The following ENPP6 variants were observed in gnomAD, a reference collection of about 807,000 sequenced individuals.
The protein encoded by ENPP6 is ectonucleotide pyrophosphatase/phosphodiesterase 6, also known as glycerophosphocholine cholinephosphodiesterase ENPP6.
ENPP6 carries 32 observed loss-of-function variants against 42.0 expected under a neutral mutation model. The observed-to-expected ratio is 0.76, with a 90% CI of 0.58 to 1.02. The LOEUF is 1.02. ENPP6 is among the 50% of genes least tolerant of loss of function. The probability of loss-of-function intolerance (pLI) is 0.00; values close to 1 mark genes in which losing one functional copy is unlikely to be tolerated. For missense variants in ENPP6, 552 were observed against 566.8 expected, an observed-to-expected ratio of 0.97 and a Z score of 0.27; for synonymous variants, 213 against 216.0, an observed-to-expected ratio of 0.99 and a Z score of 0.12.
At chr4:184,124,868 G>T (rs751161989) in intron 2 of ENPP6, among the ~76,000 whole-genome samples, 1 of 152,166 alleles carries the variant, frequency 6.6e-6, no homozygotes, top group Admixed American at 6.5e-5. Flanking sequence ...AACTCATTCC[G>T]ATGTGAACAG....
rs560901888 is a variant in ENPP6 at position 184,115,981 on chromosome 4, C to T, written c.855+875G>A. On this transcript the variant is annotated intron_variant, in intron 5 of 7. Coordinates refer to ENST00000296741, the MANE Select transcript of ENPP6 (RefSeq NM_153343.4). ...CTGTAATCCCAGCATCTTGGGAGGC[C>T]GAGGCAGGTGGATCACGAGGTCAGG... is the stretch of plus-strand genomic sequence containing the variant. 1.4e-4 allele frequency among the ~76,000 whole-genome samples: 22 copies of T among 151,930 alleles called. No individual in the cohort carries two copies. In the East Asian group the frequency reaches 3.5e-3, roughly 24 times the overall value.
intron 6 of ENPP6, among the ~76,000 whole-genome samples, chr4:184,100,906 C>T (rs527525103): frequency 5.3e-5 from 8 of 152,262 alleles, no homozygotes; most frequent in African/African-American, 9.6e-5. Context: ...AGGTGGAGGG[C>T]GGCTCCTTCC....
chr4:184,167,765 G>A (rs2111089475), intron 1 of ENPP6, among the ~76,000 whole-genome samples: 1 of 152,298 alleles, frequency 6.6e-6, no homozygotes, highest in South Asian at 2.1e-4. Flanking sequence ...CAAGTCTCAG[G>A]AGTTAACTTC....
chr4:184,179,436 A>G (rs537757044), intron 1 of ENPP6, among the ~76,000 whole-genome samples: 1 of 152,326 alleles, frequency 6.6e-6, no homozygotes, highest in Admixed American at 6.5e-5. Flanking sequence ...GGGAGACTTT[A>G]ACACCCCACT....
At chr4:184,101,907 G>C (rs768305435) in intron 6 of ENPP6, among the ~76,000 whole-genome samples, 6 of 152,186 alleles carry the variant, frequency 3.9e-5, no homozygotes, top group Middle Eastern at 3.2e-3. Context: ...ACCAGGACGC[G>C]CGGTGAGAAG....
At chr4:184,204,771 A>C (rs887876160) in intron 1 of ENPP6, among the ~76,000 whole-genome samples, 9 of 152,248 alleles carry the variant, frequency 5.9e-5, no homozygotes, top group African/African-American at 2.2e-4. Context: ...CTAGACGTAA[A>C]GGGTAATCAG....
intron 6 of ENPP6, chr4:184,112,455 A>T: frequency 5.6e-6 from 3 of 537,728 alleles, no homozygotes; most frequent in Non-Finnish European, 9.5e-6. Context: ...GTCTGGAGCC[A>T]CGAAGTCTAA....
At chr4:184,165,035 T>C (rs778663514) in intron 1 of ENPP6, among the ~76,000 whole-genome samples, 6 of 152,072 alleles carry the variant, frequency 3.9e-5, no homozygotes, top group Non-Finnish European at 8.8e-5. Context: ...GCCTCCACCC[T>C]CAAGGACAGG....
At chr4:184,163,671 G>A (rs1737302962) in intron 1 of ENPP6, among the ~76,000 whole-genome samples, 1 of 152,218 alleles carries the variant, frequency 6.6e-6, no homozygotes, top group Non-Finnish European at 1.5e-5. Flanking sequence ...TTGCATGAAC[G>A]CTTTCTTAAT....
rs1579654639 is a variant in ENPP6 at position 184,185,222 on chromosome 4, C to G, written c.242-31489G>C. Among the ~76,000 whole-genome samples the G allele has an allele frequency of 2.6e-5, 4 of 152,302 alleles. No individual in the cohort carries two copies. In the East Asian group the frequency reaches 5.8e-4, roughly 22 times the overall value. ...GGTCATGGGTGGAGTTTGCCCAGGACAGTCCTGGTTTACACCGGTTGCTCC... is the reference window on the plus strand; with the variant it reads ...GGTCATGGGTGGAGTTTGCCCAGGAGAGTCCTGGTTTACACCGGTTGCTCC... On this transcript the variant is annotated intron_variant, in intron 1 of 7. Transcript: ENST00000296741.
At chr4:184,098,785 T>G (rs1482667115) in intron 6 of ENPP6, among the ~76,000 whole-genome samples, 1 of 152,176 alleles carries the variant, frequency 6.6e-6, no homozygotes, top group Non-Finnish European at 1.5e-5. Flanking sequence ...GCCATGCACC[T>G]CAGAAGCCAC....
At chr4:184,120,115 T>G (rs1736390447) in intron 3 of ENPP6, among the ~76,000 whole-genome samples, 1 of 152,150 alleles carries the variant, frequency 6.6e-6, no homozygotes, top group Admixed American at 6.5e-5. Flanking sequence ...CTCTCCTCCT[T>G]CCAGGTGGCC....
intron 1 of ENPP6, among the ~76,000 whole-genome samples, chr4:184,171,993 G>A (rs1737474732): frequency 1.3e-5 from 2 of 152,146 alleles, no homozygotes; most frequent in Admixed American, 6.5e-5. Flanking sequence ...TGCGAGGGAG[G>A]TGCAGCATTG....
chr4:184,206,056 A>G (rs1451315412), intron 1 of ENPP6, among the ~76,000 whole-genome samples: 1 of 151,984 alleles, frequency 6.6e-6, no homozygotes, highest in African/African-American at 2.4e-5. Context: ...GAAGACAGGA[A>G]GAGGGCATGC....
At position 184,209,648 on chromosome 4, in the gene ENPP6, T is replaced by C. The variant is rs928586510; in HGVS notation, c.241+7931A>G. On this transcript the variant is annotated intron_variant, in intron 1 of 7. Transcript: ENST00000296741. Reference sequence around the variant, plus strand: ...AAGTGATGGGGAGAATGGAACCAAGTTGGAAAACACTCTGCAGGATATTAT... The same window carrying C: ...AAGTGATGGGGAGAATGGAACCAAGCTGGAAAACACTCTGCAGGATATTAT... Among the ~76,000 whole-genome samples the C allele has an allele frequency of 2.1e-3, 316 of 150,492 alleles. 7 individuals are homozygous for C. Among genetic ancestry groups the C allele is most frequent in the African/African-American group, 7.6e-3 (310 of 40,558 alleles).
chr4:184,177,313 G>A (rs72699721), intron 1 of ENPP6, among the ~76,000 whole-genome samples: 17,280 of 152,162 alleles, frequency 0.11, 1,307 homozygotes, highest in South Asian at 0.23. Flanking sequence ...GGGCCTCCCC[G>A]CAGGAATTTC....
intron 1 of ENPP6, among the ~76,000 whole-genome samples, chr4:184,200,170 C>T (rs1464068473): frequency 1.3e-5 from 2 of 152,158 alleles, no homozygotes; most frequent in African/African-American, 4.8e-5. Context: ...AAGAACTGGC[C>T]TCGTTCAAGA....
chr4:184,094,702 A>G (rs956701674), intron 7 of ENPP6, among the ~76,000 whole-genome samples: 3 of 152,262 alleles, frequency 2.0e-5, no homozygotes, highest in Admixed American at 6.5e-5. Context: ...CTGCAGGCTT[A>G]CACTGTGGCT....
At chr4:184,180,097 AAAATT>A (rs55944544) in intron 1 of ENPP6, among the ~76,000 whole-genome samples, 120,763 of 151,698 alleles carry the variant, frequency 0.8, 51,396 homozygotes, top group East Asian at 1. Context: ...TTTTTTTGAC[AAAATT>A]AATAAAATAG....
Sources: allele counts gnomAD v4.1 joint callset (sites outside exome capture counted in the v4.1 genomes callset), GRCh38; gene constraint gnomAD v4.1.1; transcripts MANE v1.5; gene names NCBI Gene and HGNC (gene_info 2026-07-23, HGNC 2026-07-21).